The following ENTREP1 variants were observed in gnomAD, a reference collection of about 807,000 sequenced individuals.
ENTREP1 encodes endosomal transmembrane epsin interactor 1.
At chr9:69,325,427 C>A in the ENTREP1 span, 45 of 977,418 alleles carry the variant, frequency 4.6e-5, no homozygotes, top group Non-Finnish European at 5.2e-5. Flanking sequence ...GCCGCTGCCC[C>A]CGCTGCGGCC....
the ENTREP1 span, among the ~76,000 whole-genome samples, chr9:69,384,503 A>G: frequency 6.6e-6 from 1 of 152,196 alleles, no homozygotes; most frequent in Non-Finnish European, 1.5e-5. Flanking sequence ...TGTCAGGGGA[A>G]AAAAAGTTTC....
the ENTREP1 span, among the ~76,000 whole-genome samples, chr9:69,327,010 GAAAA>G: frequency 7.2e-6 from 1 of 139,430 alleles, no homozygotes. Context: ...AGACCAAATT[GAAAA>G]AAAAAAAAAA....
chr9:69,328,510 C>G, the ENTREP1 span, among the ~76,000 whole-genome samples: 3 of 152,192 alleles, frequency 2.0e-5, no homozygotes, highest in Non-Finnish European at 4.4e-5. Flanking sequence ...ATACCTAACG[C>G]TGCTCCCCCT....
At chr9:69,389,661 G>A in the ENTREP1 span, among the ~76,000 whole-genome samples, 1 of 152,152 alleles carries the variant, frequency 6.6e-6, no homozygotes, top group Non-Finnish European at 1.5e-5. Flanking sequence ...GGCCCCAATA[G>A]CCCAATAATC....
At chr9:69,340,598 CATGT>C in the ENTREP1 span, among the ~76,000 whole-genome samples, 28,280 of 138,132 alleles carry the variant, frequency 0.2, 3,302 homozygotes, top group East Asian at 0.27. Flanking sequence ...TGTGTGCATG[CATGT>C]GTGTGTGTGC....
chr9:69,333,879 G>A, the ENTREP1 span, among the ~76,000 whole-genome samples: 1 of 152,064 alleles, frequency 6.6e-6, no homozygotes, highest in African/African-American at 2.4e-5. Context: ...GCACACACAT[G>A]TGCACACACA....
chr9:69,367,748 T>TAA, the ENTREP1 span, among the ~76,000 whole-genome samples: 2 of 133,970 alleles, frequency 1.5e-5, no homozygotes, highest in Non-Finnish European at 3.2e-5. Context: ...TATACACATA[T>TAA]ATAAATATAT....
chr9:69,373,220 A>G, the ENTREP1 span, among the ~76,000 whole-genome samples: 2 of 152,178 alleles, frequency 1.3e-5, no homozygotes, highest in Non-Finnish European at 2.9e-5. Flanking sequence ...CAATTTGGCC[A>G]TGTGTTAAGC....
At chr9:69,329,763 G>T in the ENTREP1 span, 44 of 549,432 alleles carry the variant, frequency 8.0e-5, no homozygotes, top group African/African-American at 2.0e-3. Context: ...TCTCGGTTTG[G>T]GGGGTGCGTT....
chr9:69,391,537 A>G, the ENTREP1 span: 3 of 1,341,890 alleles, frequency 2.2e-6, no homozygotes, highest in African/African-American at 2.9e-5. Flanking sequence ...CCTAGGAGGT[A>G]GGTCAAAGGG....
chr9:69,371,433 C>T, the ENTREP1 span: 2 of 1,091,892 alleles, frequency 1.8e-6, no homozygotes, highest in Non-Finnish European at 2.8e-6. Context: ...TTTTTAAAAT[C>T]AGGTAAAACT....
the ENTREP1 span, among the ~76,000 whole-genome samples, chr9:69,352,028 TTTTTC>T: frequency 7.6e-3 from 1,152 of 152,306 alleles, 6 homozygotes; most frequent in Non-Finnish European, 0.012. Flanking sequence ...ATATTTAACA[TTTTTC>T]TTTTCTATTC....
the ENTREP1 span, chr9:69,325,535 C>A: frequency 2.7e-6 from 3 of 1,113,548 alleles, no homozygotes; most frequent in Non-Finnish European, 3.3e-6. Context: ...GCTCTCCTCC[C>A]GCCGGGCAGT....
chr9:69,350,614 T>C, the ENTREP1 span, among the ~76,000 whole-genome samples: 2 of 152,234 alleles, frequency 1.3e-5, no homozygotes, highest in Non-Finnish European at 2.9e-5. Context: ...GAGTTCTTTT[T>C]TCATTTGCCA....
chr9:69,340,806 T>TGTGTGTGC, the ENTREP1 span, among the ~76,000 whole-genome samples: 39 of 52,950 alleles, frequency 7.4e-4, no homozygotes, highest in Admixed American at 2.3e-3. Context: ...TGTGCATGTG[T>TGTGTGTGC]GTGTGTATGT....
At chr9:69,371,740 G>A in the ENTREP1 span, 1 of 661,606 alleles carries the variant, frequency 1.5e-6, no homozygotes. Flanking sequence ...AAGGGAAGTG[G>A]GAAAACAAAA....
At chr9:69,390,490 T>C in the ENTREP1 span, among the ~76,000 whole-genome samples, 1 of 152,210 alleles carries the variant, frequency 6.6e-6, no homozygotes, top group Non-Finnish European at 1.5e-5. Context: ...GATATTATTA[T>C]ATATTCAAAA....
At chr9:69,340,793 G>A in the ENTREP1 span, among the ~76,000 whole-genome samples, 1 of 77,700 alleles carries the variant, frequency 1.3e-5, no homozygotes, top group Non-Finnish European at 2.5e-5. Context: ...GTGTGCATGT[G>A]TGTGTGCATG....
chr9:69,365,266 A>AT, the ENTREP1 span, among the ~76,000 whole-genome samples: 3 of 152,118 alleles, frequency 2.0e-5, no homozygotes, highest in South Asian at 4.1e-4. Context: ...CTCCTCACAA[A>AT]TAGGCAATCA....
Sources: allele counts gnomAD v4.1 joint callset (sites outside exome capture counted in the v4.1 genomes callset), GRCh38; gene constraint gnomAD v4.1.1; transcripts MANE v1.5; gene names NCBI Gene and HGNC (gene_info 2026-07-23, HGNC 2026-07-21).